The following LRP1B variants were observed in gnomAD, a reference collection of about 807,000 sequenced individuals.
LRP1B encodes the protein LDL receptor related protein 1B.
LRP1B carries 217 observed loss-of-function variants against 556.6 expected under a neutral mutation model. The ratio of observed to expected loss-of-function variants is 0.39; its 90% confidence interval spans 0.35 to 0.44. LRP1B has a LOEUF of 0.44. Among genes scored for constraint, LRP1B ranks in the 20% least tolerant of loss-of-function variants. The probability of loss-of-function intolerance (pLI) is 1.00; values close to 1 mark genes in which losing one functional copy is unlikely to be tolerated. For missense variants in LRP1B, 5,053 were observed against 5,620.8 expected (o/e 0.90, Z 3.23); for synonymous variants, 2,047 against 1,865.8 (o/e 1.10, Z -2.50).
rs1007640103 is a variant in LRP1B, at chr2:140,850,156, T to G, written c.4885A>C (p.Thr1629Pro). 1.2e-6 allele frequency: 2 copies of G among 1,613,638 alleles called. No individual in the cohort carries two copies. The highest frequency in any genetic ancestry group is 1.7e-6 in the Non-Finnish European group (2 of 1,179,812). Residue 1629 changes from threonine to proline, a missense_variant, in exon 29 of 91, where the codon ACC (threonine) becomes CCC (proline). Coordinates refer to ENST00000389484, the MANE Select transcript of LRP1B (RefSeq NM_018557.3). ...RLYWTDIKTQ[T>P]IKRAFINGTG... ...CCGTTAATAAAAGCTCGTTTAATGGTTTGTGTTTTAATATCTGTCCAGTAT... is the reference window on the plus strand; with the variant it reads ...CCGTTAATAAAAGCTCGTTTAATGGGTTGTGTTTTAATATCTGTCCAGTAT...
chr2:141,126,060 T>G (rs1701201726), intron 7 of LRP1B, among the ~76,000 whole-genome samples: 1 of 148,720 alleles, frequency 6.7e-6, no homozygotes, highest in African/African-American at 2.5e-5. Flanking sequence ...TGAGGCAGAG[T>G]CTGGCTCTGT....
At position 140,233,306 on chromosome 2, in the gene LRP1B, C is replaced by T. The variant is rs371555151; in HGVS notation, c.13680G>A (p.Pro4560=). The part of the protein sequence containing the change: ...LTAGPTNYSN[P]VYAKLYMDGQ... ...CATCCATATATAATTTTGCATATACCGGATTGGAGTAATTTGTTGGCTGAA... is the reference window on the plus strand; with the variant it reads ...CATCCATATATAATTTTGCATATACTGGATTGGAGTAATTTGTTGGCTGAA... Residue 4560 remains proline, a synonymous_variant, in exon 91 of 91, where the codon CCG becomes CCA. Coordinates refer to ENST00000389484, the MANE Select transcript of LRP1B (RefSeq NM_018557.3). 5.5e-5 allele frequency: 88 copies of T among 1,592,020 alleles called. No individual in the cohort carries two copies. The African/African-American group carries it at 7.7e-4, about 14-fold the overall frequency.
intron 2 of LRP1B, among the ~76,000 whole-genome samples, chr2:141,538,280 A>G (rs1685131983): frequency 6.6e-6 from 1 of 152,104 alleles, no homozygotes; most frequent in Admixed American, 6.6e-5. Context: ...GTATGATATA[A>G]TAATTTGATA....
chr2:141,169,800 C>CAAAAAAAAAAAA (rs574461113), intron 7 of LRP1B, among the ~76,000 whole-genome samples: 2 of 87,390 alleles, frequency 2.3e-5, no homozygotes, highest in African/African-American at 8.3e-5. Context: ...ACACCTTAAC[C>CAAAAAAAAAAAA]AAAAAAAAAA....
intron 49 of LRP1B, among the ~76,000 whole-genome samples, chr2:140,522,176 G>C (rs10197767): frequency 6.6e-6 from 1 of 151,912 alleles, no homozygotes; most frequent in Non-Finnish European, 1.5e-5. Context: ...GTTAACCACA[G>C]GTGTGGTCAT....
chr2:140,267,726 A>G (rs1682274462), intron 86 of LRP1B, among the ~76,000 whole-genome samples: 1 of 151,966 alleles, frequency 6.6e-6, no homozygotes, highest in Middle Eastern at 3.2e-3. Flanking sequence ...CATTATGCCC[A>G]CTATCAAAAT....
intron 86 of LRP1B, among the ~76,000 whole-genome samples, chr2:140,255,734 T>C (rs1681645034): frequency 6.6e-6 from 1 of 152,146 alleles, no homozygotes; most frequent in Non-Finnish European, 1.5e-5. Flanking sequence ...AGAGGTCTCA[T>C]ATATGTGTGC....
chr2:140,390,805 C>CA (rs1553458547), intron 66 of LRP1B, among the ~76,000 whole-genome samples: 9 of 142,642 alleles, frequency 6.3e-5, no homozygotes, highest in Non-Finnish European at 1.1e-4. Flanking sequence ...CACACACACA[C>CA]AACATATTTG....
At chr2:141,017,997 T>C (rs1174170994) in intron 12 of LRP1B, among the ~76,000 whole-genome samples, 4 of 145,362 alleles carry the variant, frequency 2.8e-5, no homozygotes, top group Admixed American at 2.7e-4. Flanking sequence ...TAAGATCCTG[T>C]CTAAAAAAAA....
intron 41 of LRP1B, among the ~76,000 whole-genome samples, chr2:140,604,055 T>G (rs1558998579): frequency 6.6e-6 from 1 of 151,954 alleles, no homozygotes; most frequent in Non-Finnish European, 1.5e-5. Flanking sequence ...TGGAAGGCAA[T>G]TATGTAGTTT....
At chr2:141,148,742 T>C (rs1701846612) in intron 7 of LRP1B, among the ~76,000 whole-genome samples, 1 of 152,128 alleles carries the variant, frequency 6.6e-6, no homozygotes, top group Non-Finnish European at 1.5e-5. Context: ...GAAATGACTA[T>C]ACATAAGTTC....
chr2:140,606,325 A>T (rs1682867165), intron 41 of LRP1B, among the ~76,000 whole-genome samples: 1 of 151,990 alleles, frequency 6.6e-6, no homozygotes, highest in Admixed American at 6.6e-5. Context: ...TTTAAATGTT[A>T]AAACATATGC....
chr2:140,840,786 C>A, intron 30 of LRP1B, 132 bp downstream of exon 30: 1 of 594,628 alleles, frequency 1.7e-6, no homozygotes, highest in Admixed American at 3.7e-5. Context: ...TTACAGTTTC[C>A]ATATTTACTT....
At chr2:140,650,523 A>C (rs2105319424) in intron 41 of LRP1B, among the ~76,000 whole-genome samples, 1 of 151,882 alleles carries the variant, frequency 6.6e-6, no homozygotes, top group South Asian at 2.1e-4. Flanking sequence ...TAATTTTTAT[A>C]TTTTTAGAAG....
At chr2:141,892,743 AAG>A (rs1244957824) in intron 1 of LRP1B, among the ~76,000 whole-genome samples, 2 of 152,174 alleles carry the variant, frequency 1.3e-5, no homozygotes, top group East Asian at 1.9e-4. Context: ...CAAAATGGTG[AAG>A]AGTCTTTCTC....
chr2:140,700,489 C>G lies in LRP1B; in HGVS notation c.6560G>C (p.Gly2187Ala), dbSNP rs1325430757. 2 of 1,613,422 alleles carry G rather than the reference C, an allele frequency of 1.2e-6. No homozygotes were observed. The highest frequency in any genetic ancestry group is 1.7e-6 in the Non-Finnish European group (2 of 1,179,634). ...EDGVTCLRHE[G>A]YLLYSGRTIL... ...TGTTCTTCCTGAATACAGTAAATAG[C>G]CTTCATGCCTCAGGCAAGTAACTCC... The change falls in exon 41 of 91, where the codon GGC becomes GCC. Residue 2187 changes from glycine (G) to alanine (A), a missense_variant. Around this residue, in one of 5 missense-constraint regions of LRP1B, gnomAD observed 3,619 missense variants for 3,931.9 expected, o/e 0.92. Coordinates refer to ENST00000389484, the MANE Select transcript of LRP1B (RefSeq NM_018557.3).
At chr2:141,101,394 A>G (rs752902083) in intron 7 of LRP1B, among the ~76,000 whole-genome samples, 32 of 152,168 alleles carry the variant, frequency 2.1e-4, no homozygotes, top group Non-Finnish European at 4.1e-4. Context: ...ATTATACTGA[A>G]TAAAGGGAAA....
At chr2:141,053,787 A>G (rs1431370811) in intron 10 of LRP1B, among the ~76,000 whole-genome samples, 1 of 151,000 alleles carries the variant, frequency 6.6e-6, no homozygotes. Flanking sequence ...TTTTTCCTCC[A>G]ATGTGTGTAT....
At chr2:140,546,326 G>T (rs1055883022) in intron 43 of LRP1B, among the ~76,000 whole-genome samples, 1 of 151,954 alleles carries the variant, frequency 6.6e-6, no homozygotes, top group African/African-American at 2.4e-5. Context: ...TATTGAAAAG[G>T]GTTGGTGAGA....
Sources: gnomAD v4.1 joint callset for allele counts (sites outside exome capture counted in the v4.1 genomes callset) on GRCh38, gnomAD v4.1.1 for gene constraint, gnomAD v4.1.1 regional missense constraint, MANE v1.5 for transcripts, NCBI Gene and HGNC (gene_info 2026-07-23, HGNC 2026-07-21) for gene names.